ENOX1: variants seen among roughly 807,000 people sequenced by gnomAD.
ENOX1 encodes the protein candidate growth-related and time keeping constitutive hydroquinone (NADH) oxidase.
In ENOX1, 42 loss-of-function variants were observed where a neutral mutation model predicts 82.5. The ratio of observed to expected loss-of-function variants is 0.51; its 90% CI spans 0.40 to 0.66. The LOEUF is 0.66. ENOX1 is among the 30% of genes least tolerant of loss of function. The probability of loss-of-function intolerance (pLI) is 0.00; values close to 1 mark genes in which losing one functional copy is unlikely to be tolerated. For synonymous variants in ENOX1, 271 were observed against 282.2 expected (o/e 0.96, Z 0.40); for missense variants, 608 against 811.6 (o/e 0.75, Z 3.05).
Position 43,298,515 on chromosome 13 carries a change from G to A in ENOX1, c.1277C>T (p.Ala426Val), listed in dbSNP as rs1240570585. ...GTCATTCTCCTCTTTCAGAGCGTAG[G>A]CCTGGGCAGCCAGGGCTGAGGGACA... ...RVDESALAAQ[A>V]YALKEENDSL... is the part of the protein sequence containing the mutation. Residue 426 changes from alanine to valine, a missense_variant, in exon 12 of 17, where the codon GCC becomes GTC. Physicochemically the swap from Ala to Val is moderately conservative, Grantham distance 64 (BLOSUM62 0). Coordinates refer to ENST00000690772, the MANE Select transcript of ENOX1 (RefSeq NM_001347969.2). 2 of 1,612,274 alleles carry A rather than the reference G, an allele frequency of 1.2e-6. No homozygotes were observed. The highest frequency in any genetic ancestry group is 4.5e-5 in the East Asian group (2 of 44,870).
intron 2 of ENOX1, among the ~76,000 whole-genome samples, chr13:43,554,040 C>T (rs999013690): frequency 1.1e-4 from 16 of 152,174 alleles, no homozygotes; most frequent in African/African-American, 3.4e-4. Context: ...TGAGCCACTG[C>T]GCCTGGCTGA....
intron 2 of ENOX1, among the ~76,000 whole-genome samples, chr13:43,624,508 C>T (rs1008128256): frequency 2.0e-5 from 3 of 151,884 alleles, no homozygotes; most frequent in Non-Finnish European, 4.4e-5. Flanking sequence ...TCGTATTTTT[C>T]CAATAGTTTT....
chr13:43,705,963 T>C (rs1307835446), intron 1 of ENOX1, among the ~76,000 whole-genome samples: 1 of 152,100 alleles, frequency 6.6e-6, no homozygotes, highest in African/African-American at 2.4e-5. Flanking sequence ...AGATAGAATA[T>C]GTTTCCTGTC....
intron 2 of ENOX1, among the ~76,000 whole-genome samples, chr13:43,593,146 A>G (rs1273740749): frequency 6.6e-6 from 1 of 152,230 alleles, no homozygotes; most frequent in Non-Finnish European, 1.5e-5. Flanking sequence ...CTAGAGTCTG[A>G]CAAAGATTGT....
At chr13:43,513,493 T>C (rs748417904) in intron 2 of ENOX1, among the ~76,000 whole-genome samples, 1 of 152,140 alleles carries the variant, frequency 6.6e-6, no homozygotes, top group South Asian at 2.1e-4. Flanking sequence ...TAATAAATAC[T>C]GGACTGGGTA....
At chr13:43,676,730 G>A (rs9533582) in intron 1 of ENOX1, among the ~76,000 whole-genome samples, 10,710 of 152,182 alleles carry the variant, frequency 0.07, 521 homozygotes, top group African/African-American at 0.13. Context: ...TAACTGGACT[G>A]AGAACACCCA....
chr13:43,304,890 C>T (rs1462274731), intron 11 of ENOX1, among the ~76,000 whole-genome samples: 1 of 152,144 alleles, frequency 6.6e-6, no homozygotes, highest in Non-Finnish European at 1.5e-5. Flanking sequence ...GACTATTCAC[C>T]CCATCCATCT....
At chr13:43,421,772 T>C (rs532417997) in intron 3 of ENOX1, among the ~76,000 whole-genome samples, 1 of 152,070 alleles carries the variant, frequency 6.6e-6, no homozygotes, top group South Asian at 2.1e-4. Context: ...AAACTAGTCA[T>C]CTGTGCATAC....
intron 3 of ENOX1, chr13:43,459,369 A>G (rs2057365403): frequency 6.6e-6 from 1 of 152,242 alleles, no homozygotes; most frequent in Admixed American, 6.5e-5. Flanking sequence ...AATAACAGAG[A>G]TAAGTTAATC....
intron 2 of ENOX1, among the ~76,000 whole-genome samples, chr13:43,587,909 G>A (rs1276259441): frequency 2.0e-5 from 3 of 151,176 alleles, no homozygotes; most frequent in Non-Finnish European, 4.4e-5. Flanking sequence ...AGTTTTAGGA[G>A]GTATCCTCCA....
intron 1 of ENOX1, among the ~76,000 whole-genome samples, chr13:43,701,938 T>C (rs570252472): frequency 6.6e-6 from 1 of 151,174 alleles, no homozygotes; most frequent in South Asian, 2.1e-4. Context: ...CTGATAACCA[T>C]CACTGTAATC....
intron 2 of ENOX1, among the ~76,000 whole-genome samples, chr13:43,550,803 C>T (rs2079162761): frequency 6.6e-6 from 1 of 152,164 alleles, no homozygotes; most frequent in African/African-American, 2.4e-5. Context: ...AGAAGTTGTA[C>T]TTTGTATTGA....
chr13:43,714,471 T>C (rs1163424531), intron 1 of ENOX1, among the ~76,000 whole-genome samples: 1 of 152,198 alleles, frequency 6.6e-6, no homozygotes, highest in African/African-American at 2.4e-5. Flanking sequence ...GGTATCTTTG[T>C]TAACTTTCTG....
intron 2 of ENOX1, among the ~76,000 whole-genome samples, chr13:43,604,732 T>G (rs1012986234): frequency 3.3e-5 from 5 of 152,178 alleles, no homozygotes; most frequent in Admixed American, 2.0e-4. Flanking sequence ...AATGCCCACT[T>G]TCACCACTGT....
chr13:43,646,727 C>T (rs982322531), intron 2 of ENOX1, among the ~76,000 whole-genome samples: 1 of 152,162 alleles, frequency 6.6e-6, no homozygotes, highest in Non-Finnish European at 1.5e-5. Context: ...CTCCAGTTTA[C>T]CCCAGGGTGA....
chr13:43,564,371 C>G (rs1472729832), intron 2 of ENOX1, among the ~76,000 whole-genome samples: 1 of 151,958 alleles, frequency 6.6e-6, no homozygotes, highest in African/African-American at 2.4e-5. Context: ...ATCAAAATAT[C>G]TCATGTGCCC....
At chr13:43,516,482 C>T (rs1373212938) in intron 2 of ENOX1, among the ~76,000 whole-genome samples, 1 of 152,168 alleles carries the variant, frequency 6.6e-6, no homozygotes, top group Non-Finnish European at 1.5e-5. Context: ...GTCCTTTTCT[C>T]TCCAGCTGGC....
intron 1 of ENOX1, among the ~76,000 whole-genome samples, chr13:43,768,736 C>G (rs1373894044): frequency 1.3e-5 from 2 of 152,204 alleles, no homozygotes; most frequent in Admixed American, 1.3e-4. Flanking sequence ...ATTTTTACCA[C>G]TTGGCCTCTT....
At chr13:43,758,994 A>T (rs1441915712) in intron 1 of ENOX1, among the ~76,000 whole-genome samples, 1 of 152,200 alleles carries the variant, frequency 6.6e-6, no homozygotes, top group Non-Finnish European at 1.5e-5. Flanking sequence ...CTGTTTGCTC[A>T]AGGTCTAGAA....
Sources: gnomAD v4.1 joint callset for allele counts (sites outside exome capture counted in the v4.1 genomes callset) on GRCh38, gnomAD v4.1.1 for gene constraint, MANE v1.5 for transcripts, NCBI Gene and HGNC (gene_info 2026-07-23, HGNC 2026-07-21) for gene names.